Variants in P4HA3 observed in about 807,000 individuals in gnomAD.
P4HA3 encodes the protein prolyl 4-hydroxylase subunit alpha 3, also known as prolyl 4-hydroxylase subunit alpha-3.
A neutral mutation model predicts 66.7 loss-of-function variants in P4HA3; 60 were observed. That is an observed-to-expected ratio of 0.90 (90% CI 0.73 to 1.12). The LOEUF (loss-of-function observed/expected upper bound fraction) is 1.12. Among genes scored for constraint, P4HA3 ranks in the 50% most tolerant of loss-of-function variants. The pLI, the probability that P4HA3 is intolerant of heterozygous loss-of-function variation, is 0.00. For synonymous variants in P4HA3, 263 were observed against 274.6 expected, an observed-to-expected ratio of 0.96 and a Z score of 0.42; for missense variants, 683 against 685.8, an observed-to-expected ratio of 1.00 and a Z score of 0.05.
intron 2 of P4HA3, among the ~76,000 whole-genome samples, chr11:74,302,857 T>C (rs1052972956): frequency 2.7e-4 from 41 of 152,228 alleles, no homozygotes; most frequent in Admixed American, 6.5e-4. Flanking sequence ...TTTACAGGAG[T>C]CTCACTCTTT....
intron 15 of P4HA3, among the ~76,000 whole-genome samples, chr11:74,256,949 A>G (rs745782983): frequency 6.6e-6 from 1 of 152,106 alleles, no homozygotes; most frequent in Non-Finnish European, 1.5e-5. Context: ...CGAGCACCCA[A>G]TATGTGCCAG....
At chr11:74,251,781 A>G in intron 15 of P4HA3, 4 of 1,580,170 alleles carry the variant, frequency 2.5e-6, no homozygotes, top group Non-Finnish European at 3.5e-6. Context: ...AGACACTTGT[A>G]GGACTGTAAA....
At chr11:74,290,806 C>T (rs1161720313) in intron 4 of P4HA3, among the ~76,000 whole-genome samples, 1 of 152,166 alleles carries the variant, frequency 6.6e-6, no homozygotes, top group Admixed American at 6.6e-5. Context: ...TGGTCTATAT[C>T]TCTGTTTTGG....
At chr11:74,275,558 C>G (rs940137892) in intron 9 of P4HA3, among the ~76,000 whole-genome samples, 12 of 152,312 alleles carry the variant, frequency 7.9e-5, no homozygotes, top group African/African-American at 2.9e-4. Context: ...TGGTACCACA[C>G]TGCCTTGATT....
downstream of P4HA3, among the ~76,000 whole-genome samples, chr11:74,263,196 C>T (rs954986869): frequency 1.3e-5 from 2 of 152,218 alleles, no homozygotes; most frequent in South Asian, 2.1e-4. Flanking sequence ...GTGAGCAGGT[C>T]GTCTTCTTTT....
chr11:74,270,924 G>T (rs2135706430), intron 10 of P4HA3, among the ~76,000 whole-genome samples: 1 of 152,352 alleles, frequency 6.6e-6, no homozygotes, highest in South Asian at 2.1e-4. Context: ...ATAGGAAAGA[G>T]TCTTGGCACT....
chr11:74,309,384 C>T (rs1168658574), intron 1 of P4HA3, among the ~76,000 whole-genome samples: 2 of 152,176 alleles, frequency 1.3e-5, no homozygotes, highest in African/African-American at 4.8e-5. Context: ...AGGAGACCAG[C>T]ATGGTGGAAT....
At position 74,266,926 on chromosome 11, in the gene P4HA3, T is replaced by C; in HGVS notation, c.*322A>G. Reference sequence around the variant, plus strand: ...AGGTTCAAAGTGCCAAAAGACCCACTGATCGAACCTGAGACTGTTGAGATG... The same window carrying C: ...AGGTTCAAAGTGCCAAAAGACCCACCGATCGAACCTGAGACTGTTGAGATG... On this transcript the variant is annotated 3_prime_UTR_variant, in exon 13 of 13. Transcript: ENST00000331597. 1 of 1,266,100 alleles carries C rather than the reference T, an allele frequency of 7.9e-7. No individual in the cohort carries two copies. The highest frequency in any genetic ancestry group is 1.1e-6 in the Non-Finnish European group (1 of 944,668). 78.4% of individuals were successfully genotyped at this position (1,266,100 alleles called of 1,614,324 possible).
At chr11:74,259,860 T>C (rs148198356) in intron 15 of P4HA3, 174 of 152,362 alleles carry the variant, frequency 1.1e-3, no homozygotes, top group African/African-American at 4.1e-3. Context: ...CTTTTGACGA[T>C]TGTGAATAAA....
At position 74,287,420 on chromosome 11, in the gene P4HA3, T is replaced by C. The variant is rs191917465; in HGVS notation, c.770-1029A>G. ...AATATTGCAAAGCCGGAAATAAAAC[T>C]GGGAATCTCAACTTGCCATGTTCTA... On this transcript the variant is annotated intron_variant, in intron 5 of 12. Coordinates refer to ENST00000331597, the MANE Select transcript of P4HA3 (RefSeq NM_182904.5). The C allele has an allele frequency of 3.4e-4, 337 of 985,594 alleles. 2 individuals carry two copies. The African/African-American group carries it at 5.2e-3, about 15-fold the overall frequency. The allele number at this position is 985,594 out of a possible 1,614,324, so 61.1% of individuals were successfully genotyped here.
At chr11:74,290,454 T>A (rs1277313906) in intron 4 of P4HA3, among the ~76,000 whole-genome samples, 2 of 150,282 alleles carry the variant, frequency 1.3e-5, no homozygotes, top group East Asian at 1.9e-4. Flanking sequence ...TTTAATTAGA[T>A]CCCATTTGTC....
chr11:74,258,702 G>A (rs1859864191), intron 15 of P4HA3, among the ~76,000 whole-genome samples: 1 of 152,116 alleles, frequency 6.6e-6, no homozygotes, highest in African/African-American at 2.4e-5. Context: ...ACTAGGACCT[G>A]ATAATGAGAG....
intron 5 of P4HA3, among the ~76,000 whole-genome samples, chr11:74,288,763 A>G (rs1294419719): frequency 1.3e-5 from 2 of 152,026 alleles, no homozygotes; most frequent in Non-Finnish European, 1.5e-5. Flanking sequence ...AGCCTGGCCA[A>G]CGTGGTGAAA....
In P4HA3 at chr11:74,267,171, C is replaced by A; in HGVS notation, c.*77G>T. The A allele has an allele frequency of 6.2e-7, 1 of 1,604,430 alleles. No homozygotes were observed. ...CTTCCAGGAGGCTGCTCTGCTTTCT[C>A]CTCTCCTACCCCAGCTTTTGGCTCC... On this transcript the variant is annotated 3_prime_UTR_variant, in exon 13 of 13. Coordinates refer to ENST00000331597, the MANE Select transcript of P4HA3 (RefSeq NM_182904.5).
intron 9 of P4HA3, among the ~76,000 whole-genome samples, chr11:74,275,876 C>A (rs533334144): frequency 1.3e-5 from 2 of 152,238 alleles, no homozygotes; most frequent in South Asian, 4.1e-4. Context: ...GCACTATTCA[C>A]AACAGCAAAG....
chr11:74,252,875 C>A (rs1473355701), intron 15 of P4HA3, among the ~76,000 whole-genome samples: 1 of 152,100 alleles, frequency 6.6e-6, no homozygotes, highest in African/African-American at 2.4e-5. Context: ...GCATGTTGAC[C>A]AAACCAGGTG....
chr11:74,308,531 C>A (rs886912542), intron 1 of P4HA3, among the ~76,000 whole-genome samples: 1 of 152,052 alleles, frequency 6.6e-6, no homozygotes, highest in African/African-American at 2.4e-5. Flanking sequence ...AGAGCAAGAC[C>A]CTGTCTCTTA....
At position 74,307,642 on chromosome 11, in the gene P4HA3, T is replaced by C. The variant is rs1448806416; in HGVS notation, c.201-3230A>G. On this transcript the variant is annotated intron_variant, in intron 1 of 12. Transcript: ENST00000331597. ...TTCCAGAGACTGGAAACTGAGTTAC[T>C]GGATGCTGAATTCAAACCTCAGGGT... Among the ~76,000 whole-genome samples, 6 of 152,236 alleles carry C rather than the reference T, an allele frequency of 3.9e-5. No individual in the cohort carries two copies. The East Asian group carries it at 1.2e-3, about 29-fold the overall frequency.
intron 1 of P4HA3, among the ~76,000 whole-genome samples, chr11:74,304,659 G>C (rs937635238): frequency 6.6e-6 from 1 of 152,096 alleles, no homozygotes; most frequent in East Asian, 1.9e-4. Context: ...CTGTATTTCA[G>C]GCACCATGCT....
Sources: allele counts gnomAD v4.1 joint callset (sites outside exome capture counted in the v4.1 genomes callset), GRCh38; gene constraint gnomAD v4.1.1; transcripts MANE v1.5; gene names NCBI Gene and HGNC (gene_info 2026-07-23, HGNC 2026-07-21).